The following RBM47 variants were observed in gnomAD, a reference collection of about 807,000 sequenced individuals.
RBM47 encodes the protein RNA-binding protein 47.
In RBM47, 21 loss-of-function variants were observed where a neutral mutation model predicts 47.1. That is an observed-to-expected ratio of 0.45 (90% CI 0.32 to 0.64). The LOEUF is 0.64. RBM47 is among the 30% of genes least tolerant of loss of function. RBM47 has a pLI of 0.05. For missense variants in RBM47, 708 were observed against 870.9 expected (o/e 0.81, Z 2.35); for synonymous variants, 375 against 361.7 (o/e 1.04, Z -0.42).
chr4:40,611,312 G>A (rs1252702779), intron 1 of RBM47, among the ~76,000 whole-genome samples: 1 of 152,328 alleles, frequency 6.6e-6, no homozygotes, highest in Admixed American at 6.5e-5. Flanking sequence ...TAGTCTGTGA[G>A]CTTCTCAACA....
chr4:40,522,486 C>T (rs891489702), intron 2 of RBM47, among the ~76,000 whole-genome samples: 3 of 152,152 alleles, frequency 2.0e-5, no homozygotes, highest in African/African-American at 7.2e-5. Flanking sequence ...GCCTGGGCAA[C>T]AGAGCAAGAC....
intron 2 of RBM47, among the ~76,000 whole-genome samples, chr4:40,518,495 T>C (rs1225803997): frequency 6.6e-6 from 1 of 152,110 alleles, no homozygotes; most frequent in Non-Finnish European, 1.5e-5. Flanking sequence ...GCATCTCAAG[T>C]GCCTACAATA....
At chr4:40,569,763 T>G (rs956315060) in intron 1 of RBM47, among the ~76,000 whole-genome samples, 7 of 147,692 alleles carry the variant, frequency 4.7e-5, no homozygotes, top group Non-Finnish European at 8.9e-5. Context: ...CAGGTTGGAG[T>G]GCAGTGCCGC....
At chr4:40,457,278 G>A (rs1354255146) in intron 3 of RBM47, among the ~76,000 whole-genome samples, 12 of 151,526 alleles carry the variant, frequency 7.9e-5, no homozygotes, top group African/African-American at 2.7e-4. Context: ...AAAATTAGCC[G>A]GGCGTGGTGG....
At chr4:40,511,786 T>C (rs945054548) in intron 2 of RBM47, among the ~76,000 whole-genome samples, 5 of 151,860 alleles carry the variant, frequency 3.3e-5, no homozygotes, top group African/African-American at 1.2e-4. Context: ...AATACAAAAA[T>C]TAGCCGGGCG....
intron 2 of RBM47, among the ~76,000 whole-genome samples, chr4:40,500,122 C>A (rs781164408): frequency 7.2e-5 from 11 of 152,082 alleles, no homozygotes; most frequent in Non-Finnish European, 1.3e-4. Context: ...CGAGACCAGC[C>A]TCGCCAACAG....
At chr4:40,580,784 T>C (rs1732820174) in intron 1 of RBM47, among the ~76,000 whole-genome samples, 1 of 151,996 alleles carries the variant, frequency 6.6e-6, no homozygotes, top group Non-Finnish European at 1.5e-5. Context: ...TTTCAGACAG[T>C]GGTAAAAGTT....
intron 2 of RBM47, among the ~76,000 whole-genome samples, chr4:40,483,166 A>AC (rs1481187377): frequency 2.0e-5 from 3 of 152,246 alleles, no homozygotes; most frequent in African/African-American, 7.2e-5. Flanking sequence ...CAGGAAAAAG[A>AC]ACAACATAAA....
intron 1 of RBM47, among the ~76,000 whole-genome samples, chr4:40,604,821 A>G (rs941392954): frequency 6.6e-6 from 1 of 152,024 alleles, no homozygotes; most frequent in African/African-American, 2.4e-5. Flanking sequence ...GGTTCAAGCA[A>G]TTCTCCTGCC....
chr4:40,491,384 G>A (rs997294840), intron 2 of RBM47, among the ~76,000 whole-genome samples: 2 of 151,808 alleles, frequency 1.3e-5, no homozygotes, highest in Non-Finnish European at 2.9e-5. Context: ...AGAAAACATG[G>A]GTATAAATCT....
chr4:40,612,233 A>T lies in RBM47; in HGVS notation c.-240+17163T>A, dbSNP rs1334963598. The stretch of plus-strand genomic sequence containing the variant: ...TAGGGTCCGTATCTAACTGATATTC[A>T]AGAAGTATAGTTAGATGGCCGGGTG... On this transcript the variant is annotated intron_variant, in intron 1 of 6. Transcript: ENST00000295971. Among the ~76,000 whole-genome samples the T allele has an allele frequency of 3.3e-5, 5 of 152,222 alleles. No individual in the cohort carries two copies. The East Asian group carries it at 7.7e-4, about 23-fold the overall frequency.
intron 1 of RBM47, among the ~76,000 whole-genome samples, chr4:40,596,998 C>T (rs1279276347): frequency 1.3e-5 from 2 of 152,176 alleles, no homozygotes; most frequent in Non-Finnish European, 2.9e-5. Context: ...CGATGGCTCA[C>T]GCCTGTAATC....
At chr4:40,501,693 T>TG (rs1198081377) in intron 2 of RBM47, among the ~76,000 whole-genome samples, 2 of 152,220 alleles carry the variant, frequency 1.3e-5, no homozygotes, top group African/African-American at 4.8e-5. Context: ...ATGAGAGATT[T>TG]GGGGCAGAGT....
At chr4:40,483,021 G>A (rs1467253381) in intron 2 of RBM47, among the ~76,000 whole-genome samples, 2 of 152,188 alleles carry the variant, frequency 1.3e-5, no homozygotes, top group Admixed American at 6.5e-5. Flanking sequence ...AACTTTAGCT[G>A]CGATGGATCT....
Position 40,516,476 on chromosome 4 carries a change from T to A in RBM47, c.-155+27946A>T, listed in dbSNP as rs544095796. Among the ~76,000 whole-genome samples the A allele has an allele frequency of 1.1e-4, 17 of 151,990 alleles. No individual in the cohort carries two copies. The South Asian group carries it at 3.5e-3, about 32-fold the overall frequency. ...GGTTTCACCATGTTGGCCAGGCTGGTCTCGAACTCCTGACTTCAGGTGATC... is the reference window on the plus strand; with the variant it reads ...GGTTTCACCATGTTGGCCAGGCTGGACTCGAACTCCTGACTTCAGGTGATC... On this transcript the variant is annotated intron_variant, in intron 2 of 6. Transcript: ENST00000295971.
At position 40,582,097 on chromosome 4, in the gene RBM47, T is replaced by A. The variant is rs1267792629; in HGVS notation, c.-239-37591A>T. Among the ~76,000 whole-genome samples, 3 of 152,044 alleles carry A rather than the reference T, an allele frequency of 2.0e-5. 1 individual carries two copies. In the South Asian group the frequency reaches 6.2e-4, roughly 32 times the overall value. On this transcript the variant is annotated intron_variant, in intron 1 of 6. Transcript: ENST00000295971. ...TTACTGAGTCCACTCCCAGAACCCATCTCGAATCTTCATGTCTCATCTCCC... is the reference window on the plus strand; with the variant it reads ...TTACTGAGTCCACTCCCAGAACCCAACTCGAATCTTCATGTCTCATCTCCC...
chr4:40,518,427 C>T (rs766695246), intron 2 of RBM47, among the ~76,000 whole-genome samples: 5 of 152,048 alleles, frequency 3.3e-5, no homozygotes, highest in South Asian at 4.1e-4. Context: ...CCACCTGCCT[C>T]GGCCTCCCAA....
intron 3 of RBM47, among the ~76,000 whole-genome samples, chr4:40,453,874 C>T (rs1577672058): frequency 1.3e-5 from 2 of 151,946 alleles, no homozygotes; most frequent in Non-Finnish European, 2.9e-5. Flanking sequence ...AATAATCTCT[C>T]CAAGAGTTTC....
At chr4:40,492,177 T>G (rs1311455725) in intron 2 of RBM47, among the ~76,000 whole-genome samples, 1 of 151,776 alleles carries the variant, frequency 6.6e-6, no homozygotes, top group Non-Finnish European at 1.5e-5. Flanking sequence ...GAGACCAGCC[T>G]GGGCAACATG....
Sources: gnomAD v4.1 joint callset for allele counts (sites outside exome capture counted in the v4.1 genomes callset) on GRCh38, gnomAD v4.1.1 for gene constraint, MANE v1.5 for transcripts, NCBI Gene and HGNC (gene_info 2026-07-23, HGNC 2026-07-21) for gene names.